The following RERE variants were observed in gnomAD, a reference collection of about 807,000 sequenced individuals.
RERE encodes arginine-glutamic acid dipeptide repeats, also known as arginine-glutamic acid dipeptide repeats protein.
Under a neutral mutation model 146.1 loss-of-function variants are expected in RERE, and 40 were observed. The observed-to-expected ratio is 0.27, with a 90% confidence interval of 0.21 to 0.36. The LOEUF (loss-of-function observed/expected upper bound fraction) is 0.36. Ranked by LOEUF, RERE falls within the 10% of genes least tolerant of loss-of-function variation. The probability of loss-of-function intolerance (pLI) is 1.00; values close to 1 mark genes in which losing one functional copy is unlikely to be tolerated. For synonymous variants in RERE, 1,003 were observed against 866.0 expected, an observed-to-expected ratio of 1.16 and a Z score of -2.78; for missense variants, 1,933 against 2,138.7, an observed-to-expected ratio of 0.90 and a Z score of 1.90.
chr1:8,395,230 CT>C (rs1270006997), intron 12 of RERE, among the ~76,000 whole-genome samples: 3 of 152,106 alleles, frequency 2.0e-5, no homozygotes, highest in Non-Finnish European at 2.9e-5. Flanking sequence ...AATCTGAGCA[CT>C]TTGGGAAGCC....
chr1:8,781,735 G>GT (rs1000746911), intron 1 of RERE, among the ~76,000 whole-genome samples: 4 of 151,138 alleles, frequency 2.6e-5, no homozygotes, highest in Admixed American at 1.3e-4. Flanking sequence ...TTCCAAAAAT[G>GT]TAAGGCCAAT....
chr1:8,501,036 G>A (rs1205863303), intron 8 of RERE, among the ~76,000 whole-genome samples: 70 of 129,422 alleles, frequency 5.4e-4, no homozygotes, highest in Admixed American at 8.7e-4. Flanking sequence ...CCGGGAGGGG[G>A]GGGGGGGGTC....
intron 10 of RERE, among the ~76,000 whole-genome samples, chr1:8,486,286 T>C (rs1644897946): frequency 6.6e-6 from 1 of 152,108 alleles, no homozygotes; most frequent in Admixed American, 6.5e-5. Context: ...ACACATCACA[T>C]GCTCAGCCAA....
At chr1:8,366,008 C>T in intron 12 of RERE, 34 bp from the exon 13 acceptor site, 1 of 1,605,764 alleles carries the variant, frequency 6.2e-7, no homozygotes, top group Non-Finnish European at 8.5e-7. Flanking sequence ...TGGGGGAGGG[C>T]CTGGGGCTTT....
chr1:8,674,454 G>A (rs1303724004), intron 1 of RERE, among the ~76,000 whole-genome samples: 1 of 152,152 alleles, frequency 6.6e-6, no homozygotes, highest in Non-Finnish European at 1.5e-5. Flanking sequence ...CAATAACTGT[G>A]ATAACACCAA....
At chr1:8,694,616 G>A (rs530947833) in intron 1 of RERE, among the ~76,000 whole-genome samples, 8 of 151,994 alleles carry the variant, frequency 5.3e-5, no homozygotes, top group Non-Finnish European at 7.4e-5. Flanking sequence ...AAAATTAGCC[G>A]GGCGTGGTGG....
chr1:8,717,987 T>G (rs1639794300), intron 1 of RERE, among the ~76,000 whole-genome samples: 1 of 152,194 alleles, frequency 6.6e-6, no homozygotes, highest in African/African-American at 2.4e-5. Context: ...CCAGGCAAGC[T>G]GGAAAAACTA....
chr1:8,442,265 A>AT (rs1222835384), intron 11 of RERE, among the ~76,000 whole-genome samples: 4 of 152,030 alleles, frequency 2.6e-5, no homozygotes, highest in African/African-American at 9.7e-5. Flanking sequence ...CACGCCTGTA[A>AT]TCCCAGCTAC....
chr1:8,564,814 A>ATG (rs1375952179), intron 4 of RERE, among the ~76,000 whole-genome samples: 17 of 100,256 alleles, frequency 1.7e-4, no homozygotes, highest in East Asian at 7.3e-4. Context: ...GTGTGTATGT[A>ATG]TGTGTGTGTA....
intron 2 of RERE, among the ~76,000 whole-genome samples, chr1:8,627,033 C>T (rs1646981300): frequency 6.6e-6 from 1 of 152,182 alleles, no homozygotes. Context: ...ACAAGAAACC[C>T]CAACTCTGCT....
At chr1:8,394,359 AT>A (rs1642980378) in intron 12 of RERE, among the ~76,000 whole-genome samples, 1 of 152,200 alleles carries the variant, frequency 6.6e-6, no homozygotes, top group Non-Finnish European at 1.5e-5. Context: ...TGCTTTTCAG[AT>A]TCTCAAAATA....
intron 2 of RERE, among the ~76,000 whole-genome samples, chr1:8,635,015 G>A (rs1433600897): frequency 2.6e-5 from 4 of 152,204 alleles, no homozygotes; most frequent in South Asian, 2.1e-4. Context: ...GATTAGAGGC[G>A]TGAGCCACCG....
intron 10 of RERE, among the ~76,000 whole-genome samples, chr1:8,477,725 A>G (rs1644774012): frequency 6.6e-6 from 1 of 152,254 alleles, no homozygotes; most frequent in South Asian, 2.1e-4. Flanking sequence ...TACTTAGTAG[A>G]ATTGAGGTAC....
intron 11 of RERE, among the ~76,000 whole-genome samples, chr1:8,448,672 T>A (rs895455151): frequency 6.6e-6 from 1 of 152,158 alleles, no homozygotes; most frequent in South Asian, 2.1e-4. Flanking sequence ...GCCTGCCGTG[T>A]GCAGAGGCCT....
chr1:8,795,713 T>C (rs1475733), intron 1 of RERE, among the ~76,000 whole-genome samples: 7,212 of 152,228 alleles, frequency 0.047, 548 homozygotes, highest in African/African-American at 0.16. Flanking sequence ...CCGGGCACAG[T>C]GGCTCACGCC....
intron 1 of RERE, among the ~76,000 whole-genome samples, chr1:8,702,359 T>C (rs1204973247): frequency 2.0e-5 from 3 of 151,668 alleles, no homozygotes; most frequent in Non-Finnish European, 4.4e-5. Flanking sequence ...ATTACAGGAG[T>C]TTCCTTCTCA....
intron 1 of RERE, among the ~76,000 whole-genome samples, chr1:8,800,684 G>T (rs1343699614): frequency 1.3e-5 from 2 of 152,186 alleles, no homozygotes; most frequent in African/African-American, 4.8e-5. Context: ...ACTTTGTAAG[G>T]GCCAGAAGTG....
In RERE at chr1:8,498,709, AT is replaced by A. The variant is rs1175829003; in HGVS notation, c.880-1181del. Among the ~76,000 whole-genome samples the A allele has an allele frequency of 7.7e-4, 101 of 131,730 alleles. 1 individual carries two copies. Among genetic ancestry groups the A allele is most frequent in the African/African-American group, 2.7e-3 (83 of 31,262 alleles). 86.4% of individuals were successfully genotyped at this position (131,730 alleles called of 152,430 possible). ...AGACTCCATCTCAAAAAAAAAAAAA[AT>A]AAAAAAAAAAAAATAAATATATACA... On this transcript the variant is annotated intron_variant, in intron 8 of 22. Coordinates refer to ENST00000400908, the MANE Select transcript of RERE (RefSeq NM_001042681.2).
intron 4 of RERE, among the ~76,000 whole-genome samples, chr1:8,581,434 C>T (rs1646364894): frequency 6.6e-6 from 1 of 152,138 alleles, no homozygotes; most frequent in African/African-American, 2.4e-5. Context: ...TCTGAAGCTG[C>T]CCTATTTTCA....
Sources: allele counts gnomAD v4.1 joint callset (sites outside exome capture counted in the v4.1 genomes callset), GRCh38; gene constraint gnomAD v4.1.1; transcripts MANE v1.5; gene names NCBI Gene and HGNC (gene_info 2026-07-23, HGNC 2026-07-21).